The following SRPK3 variants were observed in gnomAD, a reference collection of about 807,000 sequenced individuals.
SRPK3 encodes the protein SRSF protein kinase 3.
Under a neutral mutation model 45.3 loss-of-function variants are expected in SRPK3, and 26 were observed. The ratio of observed to expected loss-of-function variants is 0.57; its 90% CI spans 0.42 to 0.80. The LOEUF (loss-of-function observed/expected upper bound fraction) is 0.80. Among genes scored for constraint, SRPK3 ranks in the 30% least tolerant of loss-of-function variants. The pLI is 0.00. For missense variants in SRPK3, 536 were observed against 514.5 expected, an observed-to-expected ratio of 1.04 and a Z score of -0.40; for synonymous variants, 254 against 226.6, an observed-to-expected ratio of 1.12 and a Z score of -1.09.
Position 153,781,610 on chromosome X carries a change from T to C in SRPK3, c.296T>C (p.Ile99Thr), listed in dbSNP as rs782110409. ...HFSTVWLCWD[I>T]QRKRFVALKV... ...TCCACCGTCTGGCTCTGCTGGGACA[T>C]CCAGTGAGTGCCTCCTTCGCCTCCG... Residue 99 changes from isoleucine (I) to threonine (T), a missense_variant, in exon 3 of 15, where the codon ATC becomes ACC. Physicochemically the swap from Ile to Thr is moderately conservative, Grantham distance 89. Coordinates refer to ENST00000370101, the MANE Select transcript of SRPK3 (RefSeq NM_014370.4). The C allele has an allele frequency of 2.5e-6, 3 of 1,208,010 alleles. No homozygotes were observed. Among genetic ancestry groups the C allele is most frequent in the Non-Finnish European group, 3.4e-6 (3 of 893,780 alleles).
At chrX:153,781,876 G>C (rs1314745331) in intron 4 of SRPK3, 46 bp downstream of exon 4, 2 of 1,188,215 alleles carry the variant, frequency 1.7e-6, no homozygotes, top group Non-Finnish European at 2.3e-6. Context: ...GGAGCTGCCT[G>C]GGGCCTGGCA....
chrX:153,781,666 G>A, intron 3 of SRPK3, 53 bp downstream of exon 3: 1 of 1,200,183 alleles, frequency 8.3e-7, no homozygotes, highest in Admixed American at 2.2e-5. Context: ...TCCTGTCCCT[G>A]GGCTTGCTTG....
Position 153,783,822 on chromosome X carries a change from T to G in SRPK3, c.845T>G (p.Leu282Arg). 2 of 1,204,431 alleles carry G rather than the reference T, an allele frequency of 1.7e-6. No homozygotes were observed. Among genetic ancestry groups the G allele is most frequent in the Non-Finnish European group, 2.2e-6 (2 of 892,181 alleles). ...AAACGGAAACAGCAGAAGCGGCTGCTGGAGGAGCGGCTGCGGGACCTGCAG... is the reference window on the plus strand; with the variant it reads ...AAACGGAAACAGCAGAAGCGGCTGCGGGAGGAGCGGCTGCGGGACCTGCAG... ...RRKRKQQKRL[L>R]EERLRDLQRL... The change falls in exon 9 of 15, where the codon CTG becomes CGG. Residue 282 changes from leucine (L) to arginine (R), a missense_variant. Coordinates refer to ENST00000370101, the MANE Select transcript of SRPK3 (RefSeq NM_014370.4).
chrX:153,783,200 CCA>C lies in SRPK3; in HGVS notation c.749-24_749-23del, dbSNP rs782156461. On this transcript the variant is annotated intron_variant, in intron 7 of 14. Transcript: ENST00000370101. ...AGTCTCTGTTCCTCCCTGTCCCCCC[CCA>C]CCGCTCCCCACCTGCACTCCCAGTC... The C allele has an allele frequency of 4.8e-4, 473 of 994,863 alleles. 6 individuals are homozygous for C. Among genetic ancestry groups the C allele is most frequent in the African/African-American group, 1.4e-3 (70 of 50,730 alleles). The allele number at this position is 994,863 out of a possible 1,213,427, so 82.0% of individuals were successfully genotyped here. A position where few individuals can be genotyped will look rare whatever the true frequency, so the allele number is the denominator to read the frequency against.
chrX:153,782,001 AG>A, intron 4 of SRPK3, 119 bp from the exon 5 acceptor site: 1 of 864,515 alleles, frequency 1.2e-6, no homozygotes, highest in Non-Finnish European at 1.7e-6. Context: ...GAGGGACAGG[AG>A]GGGTTGGCGG....
Position 153,782,189 on chromosome X carries a change from C to T in SRPK3, c.456C>T (p.Ile152=). Residue 152 remains isoleucine (I), a synonymous_variant, in exon 5 of 15, where the codon ATC becomes ATT. Coordinates refer to ENST00000370101, the MANE Select transcript of SRPK3 (RefSeq NM_014370.4). ...TIVQLIDDFR[I]SGVNGVHVCM... ...TCCAGCTCATTGATGACTTCAGGAT[C>T]TCAGGAGTCAATGGAGTCCGTATCC... 8.3e-7 allele frequency: 1 copy of T among 1,209,480 alleles called. No individual in the cohort carries two copies. The highest frequency in any genetic ancestry group is 1.1e-6 in the Non-Finnish European group (1 of 893,741).
intron 11 of SRPK3, 109 bp from the exon 12 acceptor site, chrX:153,784,641 A>G: frequency 5.1e-6 from 5 of 987,331 alleles, no homozygotes; most frequent in East Asian, 3.1e-5. Flanking sequence ...CGAGGCTCAC[A>G]GCAAACCCCA....
At chrX:153,784,695 TG>T in intron 11 of SRPK3, 54 bp from the exon 12 acceptor site, 1 of 993,266 alleles carries the variant, frequency 1.0e-6, no homozygotes, top group African/African-American at 1.8e-5. Flanking sequence ...CAGGAGTCCG[TG>T]GGGGCAGGAC....
chrX:153,782,614 T>C (rs2092058707), intron 5 of SRPK3, among the ~76,000 whole-genome samples, 158 bp from the exon 6 acceptor site: 1 of 113,227 alleles, frequency 8.8e-6, no homozygotes, highest in Non-Finnish European at 1.9e-5. Flanking sequence ...AGGGACACTA[T>C]CGATGATGAC....
At chrX:153,785,048 T>C in intron 13 of SRPK3, 33 bp from the exon 14 acceptor site, 3 of 1,211,302 alleles carry the variant, frequency 2.5e-6, no homozygotes, top group East Asian at 5.9e-5. Context: ...CCTCCCGGCC[T>C]GCCTGCCCCC....
rs1557068201 is a variant in SRPK3 at position 153,784,360 on chromosome X, T to A, written c.1214T>A (p.Ile405Asn). The change falls in exon 11 of 15, where the codon ATC becomes AAC. Residue 405 changes from isoleucine (I) to asparagine (N), a missense_variant. Physicochemically the swap from Ile to Asn is moderately radical, Grantham distance 149. Coordinates refer to ENST00000370101, the MANE Select transcript of SRPK3 (RefSeq NM_014370.4). ...LEPQNADKIK[I>N]KIADLGNACW... The stretch of plus-strand genomic sequence containing the variant: ...CCCCAAAATGCAGATAAGATCAAGA[T>A]CAAGATCGCAGACCTGGGCAACGCC... 1 of 1,211,009 alleles carries A rather than the reference T, an allele frequency of 8.3e-7. No homozygotes were observed. Among genetic ancestry groups the A allele is most frequent in the South Asian group, 1.8e-5 (1 of 56,988 alleles).
chrX:153,783,220 T>G lies in SRPK3; in HGVS notation c.749-6T>G, dbSNP rs782264909. On this transcript the variant is annotated splice_polypyrimidine_tract_variant and splice_region_variant and intron_variant, in intron 7 of 14. Coordinates refer to ENST00000370101, the MANE Select transcript of SRPK3 (RefSeq NM_014370.4). ...CCCCCCCACCGCTCCCCACCTGCAC[T>G]CCCAGTCAGCACTGCCCCCCAGGAG... The G allele has an allele frequency of 1.0e-6, 1 of 998,083 alleles. No individual in the cohort carries two copies. The highest frequency in any genetic ancestry group is 1.3e-6 in the Non-Finnish European group (1 of 746,019). The allele number at this position is 998,083 out of a possible 1,213,427, so 82.3% of individuals were successfully genotyped here. A position where few individuals can be genotyped will look rare whatever the true frequency, so the allele number is the denominator to read the frequency against.
rs2092070541 is a variant in SRPK3 at position 153,784,180 on chromosome X, C to G, written c.1114C>G (p.Gln372Glu). 8.3e-7 allele frequency: 1 copy of G among 1,210,981 alleles called. No homozygotes were observed. The highest frequency in any genetic ancestry group is 1.1e-6 in the Non-Finnish European group (1 of 895,457). ...SCSILSGSSN[Q>E]RETGGLLSPS... ...CTCCATCCTCTCCGGCTCGTCCAAT[C>G]AGCGAGAGACCGGGGGCCTCCTGTC... Residue 372 changes from glutamine (Q) to glutamate (E), a missense_variant, in exon 10 of 15, where the codon CAG becomes GAG. Physicochemically the swap from Gln to Glu is conservative, Grantham distance 29. Transcript: ENST00000370101.
chrX:153,781,524 G>T lies in SRPK3; in HGVS notation c.210G>T (p.Lys70Asn). 1 of 1,210,284 alleles carries T rather than the reference G, an allele frequency of 8.3e-7. No individual in the cohort carries two copies. Among genetic ancestry groups the T allele is most frequent in the South Asian group, 1.8e-5 (1 of 56,891 alleles). The change falls in exon 3 of 15, where the codon AAG becomes AAT. Residue 70 changes from lysine (K) to asparagine (N), a missense_variant. By Grantham distance (94) the Lys-to-Asn change is moderately conservative (BLOSUM62 0). Coordinates refer to ENST00000370101, the MANE Select transcript of SRPK3 (RefSeq NM_014370.4). ...DYCKGGYHPVKIGDVFNGRYH... is the reference protein window; with the variant it reads ...DYCKGGYHPVNIGDVFNGRYH... ...GGGCAGGCGGCTACCACCCTGTGAA[G>T]ATCGGCGACGTGTTCAATGGGCGGT...
At chrX:153,781,873 C>T (rs1557067039) in intron 4 of SRPK3, 43 bp downstream of exon 4, 1 of 1,182,744 alleles carries the variant, frequency 8.5e-7, no homozygotes, top group African/African-American at 1.8e-5. Context: ...CCTGGAGCTG[C>T]CTGGGGCCTG....
rs1161182494 is a variant in SRPK3 at position 153,785,389 on chromosome X, A to G, written c.1573A>G (p.Met525Val). Reference sequence around the variant, plus strand: ...GCACTGGGGCCTGTACGAGGTACTCATGGAAAAGTACGAGTGGCCCCTAGA... The same window carrying G: ...GCACTGGGGCCTGTACGAGGTACTCGTGGAAAAGTACGAGTGGCCCCTAGA... ...LKHWGLYEVL[M>V]EKYEWPLEQA... Residue 525 changes from methionine (M) to valine (V), a missense_variant, in exon 15 of 15, where the codon ATG becomes GTG. By Grantham distance (21) the Met-to-Val change is conservative. Transcript: ENST00000370101. The G allele has an allele frequency of 2.2e-5, 27 of 1,209,681 alleles. No individual in the cohort carries two copies. The highest frequency in any genetic ancestry group is 1.0e-4 in the African/African-American group (6 of 57,631).
rs1346113733 is a variant in SRPK3, at chrX:153,782,965, C to T, written c.595C>T (p.Leu199=). 3.4e-6 allele frequency: 4 copies of T among 1,180,828 alleles called. No homozygotes were observed. In the Admixed American group the frequency reaches 9.2e-5, roughly 27 times the overall value. ...KSIVRQVLHG[L]DYLHTKCKII... ...CGACTCTCTGCAGGTGCTGCACGGC[C>T]TGGACTACCTCCACACCAAGTGCAA... The change falls in exon 7 of 15, where the codon CTG becomes TTG. Residue 199 remains leucine, a synonymous_variant. Transcript: ENST00000370101.
At position 153,784,856 on chromosome X, in the gene SRPK3, T is replaced by C. The variant is rs1238146567; in HGVS notation, c.1355T>C (p.Met452Thr). 1 of 1,210,355 alleles carries C rather than the reference T, an allele frequency of 8.3e-7. No individual in the cohort carries two copies. Residue 452 changes from methionine to threonine, a missense_variant and splice_region_variant, in exon 12 of 15, where the codon ATG (methionine) becomes ACG (threonine). Transcript: ENST00000370101. Reference protein sequence around the residue: ...PPADIWSTACMAFELATGDYL... With the variant: ...PPADIWSTACTAFELATGDYL... ...GCAGACATCTGGAGCACAGCCTGCA[T>C]GGTACGCCCGCCCGGGCTGCCCTGT...
Position 153,785,147 on chromosome X carries a change from A to C in SRPK3, c.1493A>C (p.Tyr498Ser). ...IPPAFALSGR[Y>S]SREFFNRRGE... ...CCAGCCTTCGCCCTCTCAGGCCGCT[A>C]TTCCCGGGAGTTCTTCAACCGGAGA... The change falls in exon 14 of 15, where the codon TAT becomes TCT. Residue 498 changes from tyrosine to serine, a missense_variant. Physicochemically the swap from Tyr to Ser is moderately radical, Grantham distance 144. Transcript: ENST00000370101. The C allele has an allele frequency of 8.4e-7, 1 of 1,189,684 alleles. No individual in the cohort carries two copies. Among genetic ancestry groups the C allele is most frequent in the East Asian group, 3.1e-5 (1 of 32,208 alleles).
Sources: allele counts gnomAD v4.1 joint callset (sites outside exome capture counted in the v4.1 genomes callset), GRCh38; gene constraint gnomAD v4.1.1; transcripts MANE v1.5; gene names NCBI Gene and HGNC (gene_info 2026-07-23, HGNC 2026-07-21).